Variants in LAMP2 observed in about 807,000 individuals in gnomAD.
The protein encoded by LAMP2 is lysosome-associated membrane glycoprotein 2.
In LAMP2, 4 loss-of-function variants were observed where a neutral mutation model predicts 25.6. That is an observed-to-expected ratio of 0.16 (90% CI 0.08 to 0.36). The LOEUF is 0.36. Among genes scored for constraint, LAMP2 ranks in the 10% least tolerant of loss-of-function variants. LAMP2 has a pLI of 1.00. For synonymous variants in LAMP2, 108 were observed against 112.7 expected, an observed-to-expected ratio of 0.96 and a Z score of 0.27; for missense variants, 272 against 301.4, an observed-to-expected ratio of 0.90 and a Z score of 0.72.
Position 120,427,291 on chromosome X carries a change from C to CA in LAMP2, c.*4031dup, listed in dbSNP as rs2058502541. 9.0e-6 allele frequency among the ~76,000 whole-genome samples: 1 copy of CA among 111,146 alleles called. No individual in the cohort carries two copies. The highest frequency in any genetic ancestry group is 1.9e-5 in the Non-Finnish European group (1 of 53,003). ...ACTAATGACAGGTGTACAAAGCAGC[C>CA]ATTTGAACCCTAGACAACTTCAACA... On this transcript the variant is annotated 3_prime_UTR_variant, in exon 9 of 9. Coordinates refer to ENST00000200639, the MANE Select transcript of LAMP2 (RefSeq NM_002294.3).
chrX:120,469,262 G>T lies in LAMP2; in HGVS notation c.-93C>A. The stretch of plus-strand genomic sequence containing the variant: ...AAGGCTCGCTGGACCTGGGTCAAGA[G>T]CACTGATGACCACCGACCACAGCCT... On this transcript the variant is annotated 5_prime_UTR_variant, in exon 1 of 9. Coordinates refer to ENST00000200639, the MANE Select transcript of LAMP2 (RefSeq NM_002294.3). 1 of 919,078 alleles carries T rather than the reference G, an allele frequency of 1.1e-6. No homozygotes were observed. The highest frequency in any genetic ancestry group is 1.6e-6 in the Non-Finnish European group (1 of 637,449). 75.7% of individuals were successfully genotyped at this position (919,078 alleles called of 1,213,427 possible).
chrX:120,455,418 G>T lies in LAMP2; in HGVS notation c.336C>A (p.Asp112Glu). Reference protein sequence around the residue: ...FTKAASTYSIDSVSFSYNTGD... With the variant: ...FTKAASTYSIESVSFSYNTGD... ...CAGTGTTGTAGGAAAATGAGACGCT[G>T]TCAATTGAATAAGTAGATGCTGCCT... Residue 112 changes from aspartate to glutamate, a missense_variant, in exon 3 of 9, where the codon GAC becomes GAA. Asp to Glu is a conservative substitution (Grantham distance 45, BLOSUM62 2). Transcript: ENST00000200639. The T allele has an allele frequency of 8.3e-7, 1 of 1,210,539 alleles. No individual in the cohort carries two copies. The highest frequency in any genetic ancestry group is 1.8e-5 in the South Asian group (1 of 56,953).
intron 8 of LAMP2, 131 bp downstream of exon 8, chrX:120,441,599 A>C (rs1384116237): frequency 3.8e-6 from 2 of 526,590 alleles, no homozygotes; most frequent in African/African-American, 4.7e-5. Flanking sequence ...CCAAATATAG[A>C]GTTGCACAAT....
chrX:120,431,305 T>C lies in LAMP2; in HGVS notation c.*18A>G. ...GTTATTTGCATGTATTTTTATATAA[T>C]CAATCAGGTTGCAGATTCTAAAATT... is the stretch of plus-strand genomic sequence containing the variant. On this transcript the variant is annotated 3_prime_UTR_variant, in exon 9 of 9. Coordinates refer to ENST00000200639, the MANE Select transcript of LAMP2 (RefSeq NM_002294.3). The C allele has an allele frequency of 8.3e-7, 1 of 1,210,212 alleles. No individual in the cohort carries two copies. The highest frequency in any genetic ancestry group is 1.1e-6 in the Non-Finnish European group (1 of 894,088).
At position 120,429,837 on chromosome X, in the gene LAMP2, T is replaced by C. The variant is rs779447908; in HGVS notation, c.*1486A>G. The C allele has an allele frequency of 6.7e-6, 5 of 751,632 alleles. No homozygotes were observed. In the East Asian group the frequency reaches 7.6e-4, roughly 114 times the overall value. The allele number at this position is 751,632 out of a possible 1,213,427, so 61.9% of individuals were successfully genotyped here. A position where few individuals can be genotyped will look rare whatever the true frequency, so the allele number is the denominator to read the frequency against. On this transcript the variant is annotated 3_prime_UTR_variant, in exon 9 of 9. Transcript: ENST00000200639. ...TTTCTGTAAATAATCGTTAAGGTCC[T>C]TTCCAGTAATAGCTAATGAAATTAA...
chrX:120,453,470 A>G (rs915556120), intron 3 of LAMP2, among the ~76,000 whole-genome samples: 3 of 111,857 alleles, frequency 2.7e-5, no homozygotes, highest in Non-Finnish European at 5.6e-5. Flanking sequence ...CATTAACTCA[A>G]TCTCAACGGG....
rs775997773 is a variant in LAMP2 at position 120,447,906 on chromosome X, T to C, written c.676A>G (p.Asn226Asp). The C allele has an allele frequency of 8.3e-7, 1 of 1,209,243 alleles. No individual in the cohort carries two copies. The highest frequency in any genetic ancestry group is 1.7e-5 in the African/African-American group (1 of 57,156). ...AGCAGACAAGTATCATTGCCATTAT[T>C]AACTGAATAGGTTCCAGCTTCTGGT... ...EKPEAGTYSV[N>D]NGNDTCLLAT... The change falls in exon 5 of 9, where the codon AAT becomes GAT. Residue 226 changes from asparagine (N) to aspartate (D), a missense_variant. Transcript: ENST00000200639.
intron 6 of LAMP2, 69 bp downstream of exon 6, chrX:120,446,236 T>G: frequency 5.4e-6 from 5 of 932,426 alleles, no homozygotes; most frequent in Non-Finnish European, 7.6e-6. Context: ...CCTCCCCCCA[T>G]GCAACTATTT....
In LAMP2 at chrX:120,430,322, G is replaced by C; in HGVS notation, c.*1001C>G. 1.3e-6 allele frequency: 1 copy of C among 754,405 alleles called. No homozygotes were observed. The highest frequency in any genetic ancestry group is 6.7e-5 in the South Asian group (1 of 14,885). The allele number at this position is 754,405 out of a possible 1,213,427, so 62.2% of individuals were successfully genotyped here. ...CCCATCTATGCACTGCCCCACAGGG[G>C]CCATCTTGAAGAAACAAGAGCCTAG... On this transcript the variant is annotated 3_prime_UTR_variant, in exon 9 of 9. Transcript: ENST00000200639.
At chrX:120,437,098 C>T (rs1268052180) in intron 8 of LAMP2, 2 of 745,729 alleles carry the variant, frequency 2.7e-6, no homozygotes, top group Non-Finnish European at 3.2e-6. Flanking sequence ...ATATTTAATC[C>T]CTAAGAAGTG....
chrX:120,431,004 T>C lies in LAMP2; in HGVS notation c.*319A>G, dbSNP rs1224691745. The C allele has an allele frequency of 2.3e-6, 2 of 862,424 alleles. No homozygotes were observed. The highest frequency in any genetic ancestry group is 2.8e-6 in the Non-Finnish European group (2 of 704,700). The allele number at this position is 862,424 out of a possible 1,213,427, so 71.1% of individuals were successfully genotyped here. A position where few individuals can be genotyped will look rare whatever the true frequency, so the allele number is the denominator to read the frequency against. The stretch of plus-strand genomic sequence containing the variant: ...ACATATTTTATTCTTATAATGGCCA[T>C]GTTAATAAGTTCAAGGCATACTTCA... On this transcript the variant is annotated 3_prime_UTR_variant, in exon 9 of 9. Coordinates refer to ENST00000200639, the MANE Select transcript of LAMP2 (RefSeq NM_002294.3).
rs1014439065 is a variant in LAMP2, at chrX:120,429,650, C to A, written c.*1673G>T. ...AAAAAAACTTAAGCAAAACATAGTA[C>A]GGAAGCCCAAAGTGCCCAATTCTGA... On this transcript the variant is annotated 3_prime_UTR_variant, in exon 9 of 9. Transcript: ENST00000200639. 7.6e-5 allele frequency: 57 copies of A among 750,801 alleles called. No homozygotes were observed. In the Admixed American group the frequency reaches 8.1e-4, roughly 11 times the overall value. 61.9% of individuals were successfully genotyped at this position (750,801 alleles called of 1,213,427 possible). A position where few individuals can be genotyped will look rare whatever the true frequency, so the allele number is the denominator to read the frequency against.
chrX:120,469,084 T>G, intron 1 of LAMP2, 22 bp downstream of exon 1: 3 of 1,207,221 alleles, frequency 2.5e-6, no homozygotes, highest in Non-Finnish European at 3.4e-6. Context: ...GACAGACTAA[T>G]CGGGAGGGCC....
intron 8 of LAMP2, chrX:120,439,020 A>T: frequency 9.1e-7 from 1 of 1,104,684 alleles, no homozygotes; most frequent in Non-Finnish European, 1.2e-6. Context: ...TTTTTGTTTA[A>T]GTTTGAAATC....
In LAMP2 at chrX:120,429,158, G is replaced by GTATATATATATATATATA. The variant is rs1184952088; in HGVS notation, c.*2164_*2165insTATATATATATATATATA. The GTATATATATATATATATA allele has an allele frequency of 1.4e-6, 1 of 707,258 alleles. No individual in the cohort carries two copies. 58.3% of individuals were successfully genotyped at this position (707,258 alleles called of 1,213,427 possible). ...TGTGTGTATATATATGTGTGTGTGT[G>GTATATATATATATATATA]TACATATATATATATATACACACAC... On this transcript the variant is annotated 3_prime_UTR_variant, in exon 9 of 9. Transcript: ENST00000200639.
At position 120,430,033 on chromosome X, in the gene LAMP2, CT is replaced by C. The variant is rs2058516442; in HGVS notation, c.*1289del. On this transcript the variant is annotated 3_prime_UTR_variant, in exon 9 of 9. Coordinates refer to ENST00000200639, the MANE Select transcript of LAMP2 (RefSeq NM_002294.3). ...CATTAGCCTATGCTGAAAGAATTTA[CT>C]ATATTTTACTGAAAGCTCTCAAAGA... The C allele has an allele frequency of 1.3e-6, 1 of 751,850 alleles. No homozygotes were observed. The highest frequency in any genetic ancestry group is 2.3e-5 in the African/African-American group (1 of 43,367). The allele number at this position is 751,850 out of a possible 1,213,427, so 62.0% of individuals were successfully genotyped here.
chrX:120,448,957 A>T lies in LAMP2; in HGVS notation c.556+13T>A, dbSNP rs1380200946. On this transcript the variant is annotated intron_variant, in intron 4 of 8. Coordinates refer to ENST00000200639, the MANE Select transcript of LAMP2 (RefSeq NM_002294.3). ...AATTAGGATCCAAGTAGAGAAATAT[A>T]TACTTTACTCACCATTTGTGCTCAC... The T allele has an allele frequency of 1.3e-5, 15 of 1,198,572 alleles. No individual in the cohort carries two copies. Among genetic ancestry groups the T allele is most frequent in the Non-Finnish European group, 1.7e-5 (15 of 884,537 alleles).
At chrX:120,464,988 C>G (rs139547974) in intron 1 of LAMP2, among the ~76,000 whole-genome samples, 1,152 of 111,522 alleles carry the variant, frequency 0.01, 15 homozygotes, top group African/African-American at 0.036. Context: ...GGTGATTTGC[C>G]CACCTTGACC....
intron 1 of LAMP2, among the ~76,000 whole-genome samples, chrX:120,464,574 TC>T (rs764648643): frequency 1.2e-4 from 13 of 111,459 alleles, no homozygotes; most frequent in Admixed American, 1.9e-4. Context: ...TATTCCTATT[TC>T]CCCAGATGGT....
Sources: gnomAD v4.1 joint callset for allele counts (sites outside exome capture counted in the v4.1 genomes callset) on GRCh38, gnomAD v4.1.1 for gene constraint, MANE v1.5 for transcripts, NCBI Gene and HGNC (gene_info 2026-07-23, HGNC 2026-07-21) for gene names.